Variants in ABCA13 observed in about 807,000 individuals in gnomAD.
ABCA13 encodes ATP binding cassette subfamily A member 13.
ABCA13 carries 476 observed loss-of-function variants against 478.7 expected under a neutral mutation model. The observed-to-expected ratio is 0.99, with a 90% CI of 0.92 to 1.07. The LOEUF is 1.07. Ranked by LOEUF, ABCA13 falls within the 50% of genes least tolerant of loss-of-function variation. ABCA13 has a pLI of 0.00. For missense variants in ABCA13, 6,060 were observed against 5,910.6 expected (o/e 1.03, Z -0.83); for synonymous variants, 2,252 against 2,158.9 (o/e 1.04, Z -1.20).
At chr7:48,288,145 G>C in intron 20 of ABCA13, 67 bp downstream of exon 20, 4 of 1,407,546 alleles carry the variant, frequency 2.8e-6, no homozygotes, top group Non-Finnish European at 4.0e-6. Context: ...AGGCAGTCCA[G>C]TTATTCAAAC....
chr7:48,581,715 A>G (rs994765023), intron 56 of ABCA13, among the ~76,000 whole-genome samples: 2 of 152,212 alleles, frequency 1.3e-5, no homozygotes, highest in Non-Finnish European at 2.9e-5. Context: ...TGTTCTACCA[A>G]TAAAAGTTAT....
chr7:48,414,577 T>A (rs577123100), intron 41 of ABCA13, among the ~76,000 whole-genome samples: 1 of 150,110 alleles, frequency 6.7e-6, no homozygotes, highest in African/African-American at 2.4e-5. Flanking sequence ...TGTATACATA[T>A]GTAACATATA....
intron 58 of ABCA13, chr7:48,603,653 G>A (rs569549247): frequency 3.4e-5 from 6 of 177,206 alleles, no homozygotes; most frequent in Admixed American, 1.3e-4. Context: ...GAGGATTTTC[G>A]CATCAATGTT....
Position 48,345,701 on chromosome 7 carries a change from C to T in ABCA13, c.10205-4942C>T, listed in dbSNP as rs138661062. 7.7e-3 allele frequency among the ~76,000 whole-genome samples: 1,169 copies of T among 152,104 alleles called. 14 individuals carry two copies. Among genetic ancestry groups the T allele is most frequent in the South Asian group, 0.012 (60 of 4,806 alleles). ...TTATAAAGTATAAAGTTATAGTAAT[C>T]TAAGGTTAATTTATTTTTGAAGAAA... On this transcript the variant is annotated intron_variant, in intron 29 of 61. Coordinates refer to ENST00000435803, the MANE Select transcript of ABCA13 (RefSeq NM_152701.5).
At chr7:48,232,520 T>C (rs1562835351) in intron 7 of ABCA13, among the ~76,000 whole-genome samples, 1 of 152,182 alleles carries the variant, frequency 6.6e-6, no homozygotes, top group Non-Finnish European at 1.5e-5. Flanking sequence ...TGTCTTCATG[T>C]CTCTTGTCTC....
At chr7:48,237,994 A>G (rs957253037) in intron 8 of ABCA13, among the ~76,000 whole-genome samples, 1 of 152,268 alleles carries the variant, frequency 6.6e-6, no homozygotes, top group African/African-American at 2.4e-5. Flanking sequence ...TGACAGTCAC[A>G]GGTTAATATT....
At chr7:48,369,294 T>G (rs1812266888) in intron 32 of ABCA13, among the ~76,000 whole-genome samples, 1 of 152,182 alleles carries the variant, frequency 6.6e-6, no homozygotes, top group South Asian at 2.1e-4. Flanking sequence ...TATTAGTCAT[T>G]TGCTGGATAT....
At chr7:48,606,842 T>G (rs374345219) in intron 58 of ABCA13, among the ~76,000 whole-genome samples, 1 of 152,188 alleles carries the variant, frequency 6.6e-6, no homozygotes, top group Admixed American at 6.5e-5. Context: ...GTGCTCTGTC[T>G]CAGGGAGATG....
At chr7:48,320,081 T>C (rs1429412099) in intron 27 of ABCA13, among the ~76,000 whole-genome samples, 1 of 152,160 alleles carries the variant, frequency 6.6e-6, no homozygotes, top group Non-Finnish European at 1.5e-5. Context: ...TGGCCAAAAC[T>C]TCTAGAGAGT....
chr7:48,426,874 C>A (rs1466263439), intron 41 of ABCA13, among the ~76,000 whole-genome samples: 1 of 152,138 alleles, frequency 6.6e-6, no homozygotes, highest in Non-Finnish European at 1.5e-5. Flanking sequence ...CTGTGATCAT[C>A]ATCTCTGTTT....
chr7:48,466,956 C>A lies in ABCA13; in HGVS notation c.12816C>A (p.Ser4272Arg). The A allele has an allele frequency of 1.9e-6, 3 of 1,613,848 alleles. No individual in the cohort carries two copies. The highest frequency in any genetic ancestry group is 2.5e-6 in the Non-Finnish European group (3 of 1,179,804). The change falls in exon 44 of 62, where the codon AGC (serine) becomes AGA (arginine). Residue 4272 changes from serine (S) to arginine (R), a missense_variant and splice_region_variant. Transcript: ENST00000435803. ...TCCTTTGTCTCACAATGAACAGCAG[C>A]AGTGGGGGCGACAACTTGGACCTCA... The part of the protein sequence containing the change: ...HYQRAETYFF[S>R]SGGDNLDLTR...
intron 42 of ABCA13, among the ~76,000 whole-genome samples, chr7:48,441,048 A>AGTCT (rs1204178979): frequency 1.3e-5 from 2 of 152,216 alleles, no homozygotes; most frequent in Non-Finnish European, 2.9e-5. Flanking sequence ...ATAAGAAGTA[A>AGTCT]GTCTAGGATG....
chr7:48,265,056 A>G (rs1345971598), intron 15 of ABCA13, among the ~76,000 whole-genome samples: 1 of 151,562 alleles, frequency 6.6e-6, no homozygotes, highest in Non-Finnish European at 1.5e-5. Flanking sequence ...TTCTTTTTCC[A>G]TTGACTTACA....
At chr7:48,214,791 G>A (rs1290105934) in intron 3 of ABCA13, among the ~76,000 whole-genome samples, 1 of 152,216 alleles carries the variant, frequency 6.6e-6, no homozygotes, top group Non-Finnish European at 1.5e-5. Flanking sequence ...TTAAGGAAAT[G>A]TTGTGGCTGA....
chr7:48,245,799 C>A, intron 12 of ABCA13, 64 bp from the exon 13 acceptor site: 1 of 1,502,642 alleles, frequency 6.7e-7, no homozygotes, highest in Non-Finnish European at 8.9e-7. Flanking sequence ...AGTTCTTGAG[C>A]CCATGAAGAG....
Position 48,219,396 on chromosome 7 carries a change from C to G in ABCA13, c.330C>G (p.Asn110Lys). The change falls in exon 4 of 62, where the codon AAC becomes AAG. Residue 110 changes from asparagine to lysine, a missense_variant. Physicochemically the swap from Asn to Lys is moderately conservative, Grantham distance 94. This residue lies in a region of ABCA13 where 4,423 missense variants were observed against 4,309.1 expected (regional missense o/e 1.03). Transcript: ENST00000435803. ...FQTAADPKKV[N>K]NLAFLKEIQD... Reference sequence around the variant, plus strand: ...CTGCAGCTGACCCCAAGAAAGTCAACAACCTGGCCTTTTTAAAAGAGATAC... The same window carrying G: ...CTGCAGCTGACCCCAAGAAAGTCAAGAACCTGGCCTTTTTAAAAGAGATAC... 6.2e-7 allele frequency: 1 copy of G among 1,612,644 alleles called. No individual in the cohort carries two copies. The highest frequency in any genetic ancestry group is 8.5e-7 in the Non-Finnish European group (1 of 1,179,420).
Position 48,273,783 on chromosome 7 carries a change from C to G in ABCA13, c.4117C>G (p.Arg1373Gly). The G allele has an allele frequency of 6.2e-7, 1 of 1,611,004 alleles. No homozygotes were observed. The highest frequency in any genetic ancestry group is 8.5e-7 in the Non-Finnish European group (1 of 1,178,428). Reference sequence around the variant, plus strand: ...TGTAAATACCTCACAGAGGATGTTACGTATTCTAGACACGTTAAATTCCAC... The same window carrying G: ...TGTAAATACCTCACAGAGGATGTTAGGTATTCTAGACACGTTAAATTCCAC... Reference protein sequence around the residue: ...LYVNTSQRMLRILDTLNSTFS... With the variant: ...LYVNTSQRMLGILDTLNSTFS... The change falls in exon 17 of 62, where the codon CGT becomes GGT. Residue 1373 changes from arginine to glycine, a missense_variant. This residue lies in a region of ABCA13 where 4,423 missense variants were observed against 4,309.1 expected (regional missense o/e 1.03). Transcript: ENST00000435803.
At chr7:48,330,759 A>ATCCATCCG (rs1554447835) in intron 27 of ABCA13, among the ~76,000 whole-genome samples, 1 of 151,868 alleles carries the variant, frequency 6.6e-6, no homozygotes, top group Admixed American at 6.6e-5. Context: ...CCATCCATCC[A>ATCCATCCG]TCCATCCATC....
chr7:48,388,143 A>ATACTTTCT (rs978599061), intron 36 of ABCA13, among the ~76,000 whole-genome samples, 184 bp downstream of exon 36: 1 of 152,080 alleles, frequency 6.6e-6, no homozygotes, highest in Non-Finnish European at 1.5e-5. Context: ...ATGCCATGAC[A>ATACTTTCT]GTGTTTGTTC....
Sources: allele counts gnomAD v4.1 joint callset (sites outside exome capture counted in the v4.1 genomes callset), GRCh38; gene constraint gnomAD v4.1.1; regional missense constraint gnomAD v4.1.1; transcripts MANE v1.5; gene names NCBI Gene and HGNC (gene_info 2026-07-23, HGNC 2026-07-21).